UNC79: variants seen among roughly 807,000 people sequenced by gnomAD.
The protein encoded by UNC79 is unc-79 subunit of NALCN channel complex, also known as protein unc-79 homolog.
Under a neutral mutation model 283.1 loss-of-function variants are expected in UNC79, and 37 were observed. The ratio of observed to expected loss-of-function variants is 0.13; its 90% confidence interval spans 0.10 to 0.17. The LOEUF (loss-of-function observed/expected upper bound fraction) is 0.17, where lower values mean the gene tolerates loss of function less well. Among genes scored for constraint, UNC79 ranks in the 10% least tolerant of loss-of-function variants. The probability of loss-of-function intolerance (pLI) is 1.00; values close to 1 mark genes in which losing one functional copy is unlikely to be tolerated. For synonymous variants in UNC79, 1,107 were observed against 1,200.2 expected (o/e 0.92, Z 1.61); for missense variants, 2,272 against 3,211.1 (o/e 0.71, Z 7.07).
exon 4 of UNC79, chr14:93,477,697 T>C (rs1307036068): frequency 6.2e-7 from 1 of 1,612,908 alleles, no homozygotes; most frequent in African/African-American, 1.3e-5. Context: ...TCATTGAATA[T>C]CTTAGCACAT....
At chr14:93,534,894 G>A (rs1163371632) in intron 11 of UNC79, among the ~76,000 whole-genome samples, 1 of 152,154 alleles carries the variant, frequency 6.6e-6, no homozygotes, top group Admixed American at 6.5e-5. Flanking sequence ...TAAACATTGT[G>A]TTTTACACAG....
chr14:93,374,607 T>C (rs556938522), intron 1 of UNC79, among the ~76,000 whole-genome samples: 1 of 152,312 alleles, frequency 6.6e-6, no homozygotes, highest in African/African-American at 2.4e-5. Flanking sequence ...GGCATGATCA[T>C]GGCTCACTGC....
At chr14:93,354,077 G>A (rs1032518615) in intron 1 of UNC79, among the ~76,000 whole-genome samples, 1 of 152,178 alleles carries the variant, frequency 6.6e-6, no homozygotes, top group East Asian at 1.9e-4. Context: ...ATGAAGAATG[G>A]GGGAAAAAAA....
intron 30 of UNC79, among the ~76,000 whole-genome samples, chr14:93,627,247 A>G (rs562533939): frequency 1.1e-4 from 17 of 152,038 alleles, no homozygotes; most frequent in Admixed American, 5.9e-4. Flanking sequence ...CTATTTCCTT[A>G]ATGACAGAGT....
upstream of UNC79, among the ~76,000 whole-genome samples, chr14:93,425,738 A>C (rs372905068): frequency 2.0e-5 from 3 of 152,242 alleles, no homozygotes; most frequent in Non-Finnish European, 2.9e-5. Flanking sequence ...CAAACACTTA[A>C]ATGTGAAAAG....
Position 93,668,411 on chromosome 14 carries a change from CTAT to C in UNC79, c.6637-4937_6637-4935del, listed in dbSNP as rs2072453023. 2.0e-5 allele frequency among the ~76,000 whole-genome samples: 3 copies of C among 152,148 alleles called. No homozygotes were observed. In the South Asian group the frequency reaches 6.2e-4, roughly 32 times the overall value. On this transcript the variant is annotated intron_variant, in intron 40 of 48. Transcript: ENST00000555664. ...TCTATTGTGGTGACAAAAGATAAAT[CTAT>C]TAAGAATGTGCAATGGCTGGGTGTG...
chr14:93,349,494 A>G (rs1039005870), intron 1 of UNC79, among the ~76,000 whole-genome samples: 1 of 151,906 alleles, frequency 6.6e-6, no homozygotes, highest in Non-Finnish European at 1.5e-5. Flanking sequence ...AAGTTTCATT[A>G]TCCCCCTATA....
intron 41 of UNC79, among the ~76,000 whole-genome samples, chr14:93,681,505 G>C (rs1160672545): frequency 2.0e-5 from 3 of 152,190 alleles, no homozygotes; most frequent in African/African-American, 7.2e-5. Flanking sequence ...AGGCCTCCTA[G>C]AGATTTACTC....
intron 1 of UNC79, among the ~76,000 whole-genome samples, chr14:93,435,016 T>C (rs1029700855): frequency 1.6e-4 from 24 of 152,274 alleles, no homozygotes; most frequent in Admixed American, 1.1e-3. Context: ...CCCTCTCCCA[T>C]GTATATGTAA....
At chr14:93,438,939 A>G (rs1024887888) in intron 1 of UNC79, among the ~76,000 whole-genome samples, 3 of 151,866 alleles carry the variant, frequency 2.0e-5, no homozygotes, top group African/African-American at 4.8e-5. Flanking sequence ...TTTCTTATAG[A>G]GCTCTTGCTT....
At chr14:93,427,381 A>T (rs1283142153), upstream of UNC79, among the ~76,000 whole-genome samples, 1 of 152,192 alleles carries the variant, frequency 6.6e-6, no homozygotes, top group Admixed American at 6.5e-5. Context: ...ATAAAGTGTT[A>T]AGTTTTAAAA....
intron 47 of UNC79, among the ~76,000 whole-genome samples, chr14:93,700,682 C>T (rs1348577332): frequency 6.6e-6 from 1 of 152,114 alleles, no homozygotes; most frequent in Non-Finnish European, 1.5e-5. Flanking sequence ...ATATCTTTAT[C>T]CTTCTGAGGC....
intron 47 of UNC79, among the ~76,000 whole-genome samples, chr14:93,698,482 T>TTG (rs2075311231): frequency 2.1e-5 from 2 of 96,574 alleles, no homozygotes; most frequent in Non-Finnish European, 4.0e-5. Flanking sequence ...TTAGGTTTTT[T>TTG]TTTTTTTTTT....
At position 93,553,256 on chromosome 14, in the gene UNC79, A is replaced by C. The variant is rs533759409; in HGVS notation, c.1755+10560A>C. Among the ~76,000 whole-genome samples the C allele has an allele frequency of 4.6e-5, 7 of 152,342 alleles. No homozygotes were observed. In the South Asian group the frequency reaches 1.4e-3, roughly 32 times the overall value. On this transcript the variant is annotated intron_variant, in intron 14 of 48. Coordinates refer to ENST00000555664, the Ensembl canonical transcript of UNC79. ...TTGTAAATGGTTTAAAAGGGAAAAA[A>C]GTTTTCTTGACTCTGAAAAACAAAA...
intron 7 of UNC79, among the ~76,000 whole-genome samples, chr14:93,517,201 C>T (rs1401546884): frequency 8.0e-5 from 12 of 150,316 alleles, no homozygotes; most frequent in Admixed American, 7.3e-4. Flanking sequence ...CCACCCCTCT[C>T]TCCCTTTCTC....
Position 93,659,902 on chromosome 14 carries a change from A to T in UNC79, c.6525+641A>T, listed in dbSNP as rs1490813986. 3.9e-5 allele frequency among the ~76,000 whole-genome samples: 6 copies of T among 152,160 alleles called. No individual in the cohort carries two copies. In the East Asian group the frequency reaches 1.2e-3, roughly 29 times the overall value. On this transcript the variant is annotated intron_variant, in intron 39 of 48. Transcript: ENST00000555664. The stretch of plus-strand genomic sequence containing the variant: ...GTGGTGAACTCCTTCTCATTCTTCA[A>T]GGTCCCATTTAATGAAAAAACATAT...
At chr14:93,609,133 A>T (rs753381202) in intron 26 of UNC79, among the ~76,000 whole-genome samples, 6 of 152,218 alleles carry the variant, frequency 3.9e-5, no homozygotes, top group Non-Finnish European at 7.3e-5. Context: ...TAGGGATCAC[A>T]TCCAATTGCT....
chr14:93,434,672 A>C (rs936242892), intron 1 of UNC79, among the ~76,000 whole-genome samples: 9 of 152,098 alleles, frequency 5.9e-5, no homozygotes, highest in African/African-American at 1.9e-4. Flanking sequence ...GCTCCCTGTA[A>C]ACTCTGTGAC....
intron 26 of UNC79, among the ~76,000 whole-genome samples, chr14:93,611,370 A>G (rs1457486680): frequency 6.6e-6 from 1 of 152,096 alleles, no homozygotes; most frequent in Non-Finnish European, 1.5e-5. Context: ...ACTGTCAACT[A>G]TCCCTTCTCA....
Sources: allele counts gnomAD v4.1 joint callset (sites outside exome capture counted in the v4.1 genomes callset), GRCh38; gene constraint gnomAD v4.1.1; transcripts MANE v1.5; gene names NCBI Gene and HGNC (gene_info 2026-07-23, HGNC 2026-07-21).